The following GRIK2 variants were observed in gnomAD, a reference collection of about 807,000 sequenced individuals.
The protein encoded by GRIK2 is glutamate ionotropic receptor kainate type subunit 2, also known as glutamate receptor ionotropic, kainate 2.
A neutral mutation model predicts 100.3 loss-of-function variants in GRIK2; 32 were observed. That is an observed-to-expected ratio of 0.32 (90% CI 0.24 to 0.43). The LOEUF (loss-of-function observed/expected upper bound fraction) is 0.43. Among genes scored for constraint, GRIK2 ranks in the 20% least tolerant of loss-of-function variants. The pLI, the probability that GRIK2 is intolerant of heterozygous loss-of-function variation, is 1.00. For missense variants in GRIK2, 843 were observed against 1,114.9 expected (o/e 0.76, Z 3.47); for synonymous variants, 417 against 389.4 (o/e 1.07, Z -0.83).
chr6:101,872,534 G>A (rs546171084), intron 11 of GRIK2, among the ~76,000 whole-genome samples: 11 of 151,808 alleles, frequency 7.2e-5, no homozygotes, highest in African/African-American at 1.4e-4. Context: ...CCCACTCACC[G>A]AACATGGGCA....
At chr6:101,763,808 T>C (rs1007021795) in intron 7 of GRIK2, among the ~76,000 whole-genome samples, 1 of 152,022 alleles carries the variant, frequency 6.6e-6, no homozygotes, top group Non-Finnish European at 1.5e-5. Flanking sequence ...TAATATTATT[T>C]GGAAAAGAGG....
intron 2 of GRIK2, among the ~76,000 whole-genome samples, chr6:101,481,261 G>T (rs1248263721): frequency 6.6e-6 from 1 of 152,046 alleles, no homozygotes; most frequent in African/African-American, 2.4e-5. Flanking sequence ...GCTGTTTTTG[G>T]TATATGAAAT....
At chr6:101,787,267 A>G (rs930613711) in intron 7 of GRIK2, among the ~76,000 whole-genome samples, 4 of 151,652 alleles carry the variant, frequency 2.6e-5, no homozygotes, top group Admixed American at 2.6e-4. Context: ...TTTCATTTCA[A>G]TAATCCTTTG....
At chr6:101,880,129 T>G (rs1036520503) in intron 11 of GRIK2, among the ~76,000 whole-genome samples, 4 of 152,060 alleles carry the variant, frequency 2.6e-5, no homozygotes, top group African/African-American at 9.7e-5. Flanking sequence ...TGGGCAGAAC[T>G]CAAGGCTATT....
intron 15 of GRIK2, among the ~76,000 whole-genome samples, chr6:102,050,627 C>T (rs1335193911): frequency 1.6e-5 from 2 of 126,950 alleles, no homozygotes; most frequent in South Asian, 2.3e-4. Context: ...AGCGCCTGGG[C>T]GACAAGAGCA....
At chr6:101,565,378 C>T (rs1211714209) in intron 2 of GRIK2, among the ~76,000 whole-genome samples, 1 of 151,966 alleles carries the variant, frequency 6.6e-6, no homozygotes, top group Non-Finnish European at 1.5e-5. Flanking sequence ...CCAGTCAGCA[C>T]AATATATTTA....
chr6:102,014,495 G>A (rs1476745981), intron 14 of GRIK2, among the ~76,000 whole-genome samples: 1 of 151,924 alleles, frequency 6.6e-6, no homozygotes, highest in Non-Finnish European at 1.5e-5. Flanking sequence ...TTTGTGCTTG[G>A]TTTGTTCTTG....
intron 7 of GRIK2, among the ~76,000 whole-genome samples, chr6:101,747,026 ATCT>A (rs1475612986): frequency 1.3e-5 from 2 of 152,166 alleles, no homozygotes; most frequent in African/African-American, 2.4e-5. Context: ...TTATGTTTAA[ATCT>A]TCTGAATTAG....
At chr6:101,663,829 G>C (rs775795763) in intron 4 of GRIK2, among the ~76,000 whole-genome samples, 1 of 152,134 alleles carries the variant, frequency 6.6e-6, no homozygotes, top group Admixed American at 6.6e-5. Context: ...TAGTTCAGGC[G>C]AGGCTGCTTC....
intron 2 of GRIK2, among the ~76,000 whole-genome samples, chr6:101,401,812 C>A (rs1002971246): frequency 2.0e-5 from 3 of 152,200 alleles, no homozygotes; most frequent in Non-Finnish European, 4.4e-5. Flanking sequence ...GCCCTGGACC[C>A]GTGCCTTGGA....
At chr6:101,543,857 C>G (rs1414154135) in intron 2 of GRIK2, among the ~76,000 whole-genome samples, 1 of 152,178 alleles carries the variant, frequency 6.6e-6, no homozygotes, top group Non-Finnish European at 1.5e-5. Context: ...AATAAATTGT[C>G]AATTACAGAG....
intron 2 of GRIK2, among the ~76,000 whole-genome samples, chr6:101,584,995 A>C (rs939750110): frequency 1.3e-4 from 20 of 151,934 alleles, no homozygotes; most frequent in African/African-American, 4.6e-4. Context: ...AGCATTTCTC[A>C]TTTCCTAAGC....
intron 7 of GRIK2, among the ~76,000 whole-genome samples, chr6:101,763,832 T>A: frequency 7.0e-6 from 1 of 143,772 alleles, no homozygotes; most frequent in Admixed American, 6.7e-5. Flanking sequence ...TGCGTTTTTT[T>A]GTTTTTTTGT....
At chr6:101,743,015 G>C (rs1258995770) in intron 7 of GRIK2, among the ~76,000 whole-genome samples, 1 of 152,160 alleles carries the variant, frequency 6.6e-6, no homozygotes, top group Non-Finnish European at 1.5e-5. Context: ...GAGGTAACTG[G>C]CGATCTATAC....
At chr6:101,690,493 T>C (rs1436268052) in intron 7 of GRIK2, among the ~76,000 whole-genome samples, 4 of 152,144 alleles carry the variant, frequency 2.6e-5, no homozygotes, top group African/African-American at 9.7e-5. Context: ...GTTATGATCA[T>C]TCCCTGGCTT....
At chr6:101,919,992 C>T (rs1216614524) in intron 12 of GRIK2, among the ~76,000 whole-genome samples, 1 of 151,722 alleles carries the variant, frequency 6.6e-6, no homozygotes, top group Non-Finnish European at 1.5e-5. Context: ...CAAATGCTCA[C>T]TTTTTTAAAA....
rs1773643488 is a variant in GRIK2 at position 101,499,584 on chromosome 6, T to G, written c.115+100192T>G. Among the ~76,000 whole-genome samples the G allele has an allele frequency of 1.3e-5, 2 of 152,190 alleles. 1 individual carries two copies. The highest frequency in any genetic ancestry group is 2.9e-5 in the Non-Finnish European group (2 of 68,016). On this transcript the variant is annotated intron_variant, in intron 2 of 16. Coordinates refer to ENST00000369134, the MANE Select transcript of GRIK2 (RefSeq NM_021956.5). ...TATTTTATCCTATTTTGTTTCCTTTTGGAGAAAGTTAAGTTTCCAGAAATC... is the reference window on the plus strand; with the variant it reads ...TATTTTATCCTATTTTGTTTCCTTTGGGAGAAAGTTAAGTTTCCAGAAATC...
At chr6:101,834,255 A>C (rs781359117) in intron 10 of GRIK2, among the ~76,000 whole-genome samples, 1 of 152,048 alleles carries the variant, frequency 6.6e-6, no homozygotes, top group Non-Finnish European at 1.5e-5. Context: ...AATTTGGTTG[A>C]TGAAGAAATT....
intron 2 of GRIK2, among the ~76,000 whole-genome samples, chr6:101,410,560 G>A (rs554091561): frequency 1.6e-4 from 24 of 152,198 alleles, no homozygotes; most frequent in African/African-American, 5.8e-4. Context: ...CAGCATAGAA[G>A]TGTCTAGGGA....
Sources: gnomAD v4.1 joint callset for allele counts (sites outside exome capture counted in the v4.1 genomes callset) on GRCh38, gnomAD v4.1.1 for gene constraint, MANE v1.5 for transcripts, NCBI Gene and HGNC (gene_info 2026-07-23, HGNC 2026-07-21) for gene names.